The following RYR2 variants were observed in gnomAD, a reference collection of about 807,000 sequenced individuals.
RYR2 encodes cardiac muscle ryanodine receptor-calcium release channel.
Under a neutral mutation model 601.1 loss-of-function variants are expected in RYR2, and 227 were observed. The observed-to-expected ratio is 0.38, with a 90% CI of 0.34 to 0.42. The LOEUF is 0.42. Ranked by LOEUF, RYR2 falls within the 10% of genes least tolerant of loss-of-function variation. The pLI is 1.00. For synonymous variants in RYR2, 2,223 were observed against 2,175.1 expected (o/e 1.02, Z -0.61); for missense variants, 4,646 against 6,156.5 (o/e 0.75, Z 8.21).
At chr1:237,291,534 C>T (rs1026008806) in intron 2 of RYR2, among the ~76,000 whole-genome samples, 2 of 152,076 alleles carry the variant, frequency 1.3e-5, no homozygotes, top group African/African-American at 4.8e-5. Context: ...GTGAAAGCAA[C>T]CAAGATGTCC....
At chr1:237,408,263 T>C (rs1181380119) in intron 10 of RYR2, among the ~76,000 whole-genome samples, 1 of 151,930 alleles carries the variant, frequency 6.6e-6, no homozygotes, top group Non-Finnish European at 1.5e-5. Flanking sequence ...CTAGATTAGT[T>C]TTTCTACACA....
intron 20 of RYR2, among the ~76,000 whole-genome samples, chr1:237,500,163 T>A (rs1664480434): frequency 6.6e-6 from 1 of 152,222 alleles, no homozygotes; most frequent in Non-Finnish European, 1.5e-5. Flanking sequence ...TATGTATTTT[T>A]ATTTTAAATT....
At chr1:237,536,485 C>T (rs1477046831) in intron 25 of RYR2, among the ~76,000 whole-genome samples, 23 of 152,080 alleles carry the variant, frequency 1.5e-4, no homozygotes, top group Non-Finnish European at 1.5e-4. Flanking sequence ...GAGGCCGAGG[C>T]GGGCGGATCA....
intron 4 of RYR2, among the ~76,000 whole-genome samples, chr1:237,356,546 G>T (rs929065971): frequency 2.0e-5 from 3 of 151,878 alleles, no homozygotes; most frequent in African/African-American, 7.3e-5. Context: ...TTACACACAG[G>T]AGCCACTATG....
intron 37 of RYR2, among the ~76,000 whole-genome samples, chr1:237,616,109 G>A (rs898433167): frequency 2.0e-5 from 3 of 152,148 alleles, no homozygotes; most frequent in African/African-American, 7.2e-5. Flanking sequence ...AGGAGACCAT[G>A]CTCAGAGGAG....
chr1:237,594,597 G>A lies in RYR2; in HGVS notation c.4437-901G>A, dbSNP rs574352482. On this transcript the variant is annotated intron_variant, in intron 33 of 104. Coordinates refer to ENST00000366574, the MANE Select transcript of RYR2 (RefSeq NM_001035.3). Reference sequence around the variant, plus strand: ...GATGGGATAACTGAAAGATGATTTTGTTGGAGGAAATGGAAGATAGGGAAG... The same window carrying A: ...GATGGGATAACTGAAAGATGATTTTATTGGAGGAAATGGAAGATAGGGAAG... Among the ~76,000 whole-genome samples, 356 of 152,290 alleles carry A rather than the reference G, an allele frequency of 2.3e-3. 1 individual carries two copies. Among genetic ancestry groups the A allele is most frequent in the Non-Finnish European group, 3.4e-3 (234 of 68,026 alleles).
chr1:237,380,361 T>C lies in RYR2; in HGVS notation c.576+2926T>C, dbSNP rs1701366197. Among the ~76,000 whole-genome samples, 3 of 1,792 alleles carry C rather than the reference T, an allele frequency of 1.7e-3. 1 individual carries two copies. The highest frequency in any genetic ancestry group is 0.012 in the Admixed American group (3 of 242). The allele number at this position is 1,792 out of a possible 152,430, so 1.2% of individuals were successfully genotyped here. A position where few individuals can be genotyped will look rare whatever the true frequency, so the allele number is the denominator to read the frequency against. On this transcript the variant is annotated intron_variant, in intron 8 of 104. Transcript: ENST00000366574. ...ACACTTGCCTTGTAGAATACACAAA[T>C]ATATATATATATATATATATATATA...
rs1239093704 is a variant in RYR2, at chr1:237,759,849, G to A, written c.11399G>A (p.Cys3800Tyr). 6.2e-7 allele frequency: 1 copy of A among 1,606,956 alleles called. No homozygotes were observed. The highest frequency in any genetic ancestry group is 8.5e-7 in the Non-Finnish European group (1 of 1,174,502). The change falls in exon 83 of 105, where the codon TGT (cysteine) becomes TAT (tyrosine). Residue 3800 changes from cysteine (C) to tyrosine (Y), a missense_variant. Cys to Tyr is a radical substitution (Grantham distance 194). Around this residue, in one of 17 missense-constraint regions of RYR2, gnomAD observed 1,497 missense variants for 1,842.6 expected, o/e 0.81. Transcript: ENST00000366574. ...AGCCTGGCCGGCCTGATGCAGTCAT[G>A]TAGGTAAGGACTCACTTCCTTCTTG... ...FQSLAGLMQS[C>Y]SVLDLNAFER... is the part of the protein sequence containing the mutation.
At position 237,118,876 on chromosome 1, in the gene RYR2, G is replaced by T. The variant is rs147537044; in HGVS notation, c.48+76307G>T. 1.6e-3 allele frequency among the ~76,000 whole-genome samples: 245 copies of T among 151,896 alleles called. 1 individual carries two copies. Among genetic ancestry groups the T allele is most frequent in the African/African-American group, 5.6e-3 (231 of 41,438 alleles). On this transcript the variant is annotated intron_variant, in intron 1 of 104. Coordinates refer to ENST00000366574, the MANE Select transcript of RYR2 (RefSeq NM_001035.3). ...TTATGGTTCAATATTTAAAGAAACC[G>T]GAACTACTTAGTCTTTTTTTTTTAA...
intron 1 of RYR2, among the ~76,000 whole-genome samples, chr1:237,176,563 T>C (rs1042599795): frequency 1.3e-5 from 2 of 151,660 alleles, no homozygotes; most frequent in Admixed American, 1.3e-4. Context: ...AAGTTTTATT[T>C]ATTTATTTAT....
chr1:237,174,504 C>G (rs918765257), intron 1 of RYR2, among the ~76,000 whole-genome samples: 1 of 152,140 alleles, frequency 6.6e-6, no homozygotes, highest in African/African-American at 2.4e-5. Context: ...ATTTATGAAT[C>G]TTCCTCCCTC....
rs142338550 is a variant in RYR2, at chr1:237,296,651, G to A, written c.168+26035G>A. Among the ~76,000 whole-genome samples, 160 of 152,268 alleles carry A rather than the reference G, an allele frequency of 1.1e-3. 1 individual carries two copies. The highest frequency in any genetic ancestry group is 3.6e-3 in the African/African-American group (149 of 41,560). On this transcript the variant is annotated intron_variant, in intron 2 of 104. Transcript: ENST00000366574. Reference sequence around the variant, plus strand: ...ATGTTAGCTTGGAGTCTAAGGAGACGTCAGGGCTGGTGACATAGATGTGAG... The same window carrying A: ...ATGTTAGCTTGGAGTCTAAGGAGACATCAGGGCTGGTGACATAGATGTGAG...
chr1:237,258,975 C>G (rs1376590968), intron 1 of RYR2, among the ~76,000 whole-genome samples: 1 of 151,904 alleles, frequency 6.6e-6, no homozygotes, highest in African/African-American at 2.4e-5. Context: ...TTCTGCTTGG[C>G]CAGCTGCCAT....
chr1:237,348,154 C>T (rs964266365), intron 3 of RYR2, among the ~76,000 whole-genome samples: 4 of 152,212 alleles, frequency 2.6e-5, no homozygotes, highest in South Asian at 4.1e-4. Context: ...TTGGTGGTGA[C>T]GTTTTTATTA....
At chr1:237,157,318 A>AAG (rs1558336211) in intron 1 of RYR2, among the ~76,000 whole-genome samples, 2 of 140,694 alleles carry the variant, frequency 1.4e-5, no homozygotes, top group African/African-American at 2.6e-5. Context: ...AAAAAAAAAA[A>AAG]AAAGAAAGAA....
At chr1:237,209,948 C>G (rs893605927) in intron 1 of RYR2, among the ~76,000 whole-genome samples, 1 of 152,076 alleles carries the variant, frequency 6.6e-6, no homozygotes, top group African/African-American at 2.4e-5. Flanking sequence ...TGTTTTAAAT[C>G]TTTGTGATAT....
intron 101 of RYR2, among the ~76,000 whole-genome samples, chr1:237,826,163 G>A (rs947606047): frequency 6.6e-6 from 1 of 152,080 alleles, no homozygotes; most frequent in African/African-American, 2.4e-5. Context: ...TCTTATTACT[G>A]GGGATATATC....
chr1:237,250,029 T>G (rs1038460647), intron 1 of RYR2, among the ~76,000 whole-genome samples: 1 of 152,218 alleles, frequency 6.6e-6, no homozygotes, highest in African/African-American at 2.4e-5. Context: ...CCTGTAGAAA[T>G]GCATTTTTTA....
At chr1:237,169,548 C>T (rs1047276831) in intron 1 of RYR2, among the ~76,000 whole-genome samples, 32 of 151,754 alleles carry the variant, frequency 2.1e-4, no homozygotes, top group African/African-American at 7.0e-4. Context: ...TCCATCACCT[C>T]GACCTCCCAA....
Sources: gnomAD v4.1 joint callset for allele counts (sites outside exome capture counted in the v4.1 genomes callset) on GRCh38, gnomAD v4.1.1 for gene constraint, gnomAD v4.1.1 regional missense constraint, MANE v1.5 for transcripts, NCBI Gene and HGNC (gene_info 2026-07-23, HGNC 2026-07-21) for gene names.